The following TOGARAM2 variants were observed in gnomAD, a reference collection of about 807,000 sequenced individuals.
TOGARAM2 encodes the protein TOG array regulator of axonemal microtubules 2.
Under a neutral mutation model 93.3 loss-of-function variants are expected in TOGARAM2, and 85 were observed. The observed-to-expected ratio is 0.91, with a 90% confidence interval of 0.76 to 1.09. The LOEUF is 1.09. Ranked by LOEUF, TOGARAM2 falls within the 50% of genes least tolerant of loss-of-function variation. The probability of loss-of-function intolerance (pLI) is 0.00; values close to 1 mark genes in which losing one functional copy is unlikely to be tolerated. For synonymous variants in TOGARAM2, 593 were observed against 552.8 expected (o/e 1.07, Z -1.02); for missense variants, 1,277 against 1,334.5 (o/e 0.96, Z 0.67).
rs758380701 is a variant in TOGARAM2, at chr2:29,002,516, C to T, written c.428-20C>T. 1.6e-4 allele frequency: 260 copies of T among 1,604,090 alleles called. No individual in the cohort carries two copies. The highest frequency in any genetic ancestry group is 2.1e-4 in the Non-Finnish European group (248 of 1,173,862). The stretch of plus-strand genomic sequence containing the variant: ...TGTTCTTCTGGGACTAACTGATTTC[C>T]CATCCCCATCCCTGTACAGCCTCTC... On this transcript the variant is annotated intron_variant, in intron 4 of 19. Coordinates refer to ENST00000379558, the MANE Select transcript of TOGARAM2 (RefSeq NM_199280.4).
chr2:29,014,323 C>G, intron 7 of TOGARAM2, 72 bp from the exon 8 acceptor site: 30 of 1,526,132 alleles, frequency 2.0e-5, no homozygotes, highest in Non-Finnish European at 2.6e-5. Flanking sequence ...TAGAATTGAG[C>G]CAGCCACAGG....
At chr2:28,980,234 G>C (rs912588304), upstream of TOGARAM2, among the ~76,000 whole-genome samples, 9 of 152,186 alleles carry the variant, frequency 5.9e-5, no homozygotes, top group Non-Finnish European at 1.3e-4. Context: ...GGCCCTCCTT[G>C]CTCCCTCCTG....
At chr2:29,005,513 AACT>A in intron 6 of TOGARAM2, among the ~76,000 whole-genome samples, 1 of 89,618 alleles carries the variant, frequency 1.1e-5, no homozygotes, top group African/African-American at 4.3e-5. Flanking sequence ...GTGTTTGTGT[AACT>A]ACGTGTGTGA....
chr2:29,024,366 G>T lies in TOGARAM2; in HGVS notation c.1845G>T (p.Ala615=). Residue 615 remains alanine (A), a synonymous_variant, in exon 13 of 20, where the codon GCG becomes GCT. Transcript: ENST00000379558. The part of the protein sequence containing the change: ...LARSLVVLTS[A]GVYHRNPLIR... Reference sequence around the variant, plus strand: ...GCTCCCTGGTGGTCCTCACCTCGGCGGGTGTCTAGTATGTGGCTGCCTGTT... The same window carrying T: ...GCTCCCTGGTGGTCCTCACCTCGGCTGGTGTCTAGTATGTGGCTGCCTGTT... 6.2e-7 allele frequency: 1 copy of T among 1,604,204 alleles called. No individual in the cohort carries two copies. Among genetic ancestry groups the T allele is most frequent in the African/African-American group, 1.3e-5 (1 of 74,896 alleles).
chr2:28,959,697 C>T (rs1033800905), intron 1 of TOGARAM2, among the ~76,000 whole-genome samples: 1 of 151,958 alleles, frequency 6.6e-6, no homozygotes, highest in African/African-American at 2.4e-5. Context: ...GAGCTGAGAT[C>T]GTGCCACTGC....
chr2:28,960,433 T>G (rs58402186), intron 1 of TOGARAM2, among the ~76,000 whole-genome samples: 73,299 of 151,926 alleles, frequency 0.48, 18,854 homozygotes, highest in Middle Eastern at 0.6. Context: ...CAGGCTGGAG[T>G]GTAGCAGCAG....
intron 2 of TOGARAM2, among the ~76,000 whole-genome samples, 184 bp downstream of exon 2, chr2:28,995,046 T>G (rs1282348049): frequency 6.6e-6 from 1 of 152,270 alleles, no homozygotes; most frequent in Non-Finnish European, 1.5e-5. Flanking sequence ...GCTGGCTGTC[T>G]GGGTGGCTCC....
chr2:28,986,974 T>A (rs1383306923), intron 1 of TOGARAM2, among the ~76,000 whole-genome samples: 2 of 152,204 alleles, frequency 1.3e-5, no homozygotes. Flanking sequence ...TAGCAGGTGA[T>A]GGAATTTAAC....
At chr2:29,049,031 T>TA (rs796876193) in intron 19 of TOGARAM2, 3 of 53,532 alleles carry the variant, frequency 5.6e-5, no homozygotes, top group African/African-American at 1.8e-4. Flanking sequence ...AATTTTTGTA[T>TA]TTTTTTTTTT....
rs776369747 is a variant in TOGARAM2 at position 29,035,616 on chromosome 2, G to T, written c.2378G>T (p.Cys793Phe). Residue 793 changes from cysteine to phenylalanine, a missense_variant, in exon 17 of 20, where the codon TGC becomes TTC. Transcript: ENST00000379558. Reference protein sequence around the residue: ...MEGVGQLLELCKAKTELVTAH... With the variant: ...MEGVGQLLELFKAKTELVTAH... ...GGCGTGGGGCAGCTCCTGGAGCTCTGCAAGGCCAAGACGGAGCTTGTCACT... is the reference window on the plus strand; with the variant it reads ...GGCGTGGGGCAGCTCCTGGAGCTCTTCAAGGCCAAGACGGAGCTTGTCACT... 3 of 1,565,076 alleles carry T rather than the reference G, an allele frequency of 1.9e-6. No homozygotes were observed. The South Asian group carries it at 3.7e-5, about 19-fold the overall frequency.
chr2:29,004,034 C>T (rs541295935), intron 6 of TOGARAM2, among the ~76,000 whole-genome samples: 30 of 152,332 alleles, frequency 2.0e-4, no homozygotes, highest in African/African-American at 6.0e-4. Context: ...CTCACTCTGT[C>T]GCCCAGGCTG....
rs117264834 is a variant in TOGARAM2, at chr2:29,032,348, C to T, written c.2013-586C>T. Among the ~76,000 whole-genome samples the T allele has an allele frequency of 3.9e-4, 60 of 152,316 alleles. No homozygotes were observed. The East Asian group carries it at 0.01, about 25-fold the overall frequency. On this transcript the variant is annotated intron_variant, in intron 14 of 19. Transcript: ENST00000379558. ...CCTGTTCCTCCGACGTATCCCAAAT[C>T]CCACCCAACTTGTGAACTCCTACTT...
intron 1 of TOGARAM2, among the ~76,000 whole-genome samples, chr2:28,974,473 C>T (rs1442188121): frequency 6.6e-6 from 1 of 152,072 alleles, no homozygotes; most frequent in Non-Finnish European, 1.5e-5. Context: ...GTATCTTTTA[C>T]CATATTTGGA....
chr2:29,022,042 T>G, intron 10 of TOGARAM2, 116 bp from the exon 11 acceptor site: 3 of 1,345,500 alleles, frequency 2.2e-6, no homozygotes, highest in Non-Finnish European at 3.1e-6. Flanking sequence ...CCCTCCCTGT[T>G]AGGTGGGCTC....
chr2:29,015,756 TA>T (rs1664528801), intron 8 of TOGARAM2, among the ~76,000 whole-genome samples: 1 of 152,278 alleles, frequency 6.6e-6, no homozygotes, highest in South Asian at 2.1e-4. Context: ...CAGCCAGGGA[TA>T]GGGGTGAGGG....
At chr2:29,011,627 A>C in intron 7 of TOGARAM2, 126 bp downstream of exon 7, 1 of 976,286 alleles carries the variant, frequency 1.0e-6, no homozygotes, top group East Asian at 3.0e-5. Flanking sequence ...TTCATTTCAC[A>C]GCAGGAAGCT....
chr2:29,040,232 A>G (rs1666349668), intron 18 of TOGARAM2, among the ~76,000 whole-genome samples: 1 of 152,192 alleles, frequency 6.6e-6, no homozygotes, highest in African/African-American at 2.4e-5. Flanking sequence ...TCTTTCATTT[A>G]ACACTACCCA....
At chr2:29,048,772 A>C (rs1367455365) in intron 19 of TOGARAM2, 2 of 141,630 alleles carry the variant, frequency 1.4e-5, no homozygotes, top group Non-Finnish European at 3.0e-5. Context: ...TCTGTCTCCT[A>C]GGGTCAAGCC....
chr2:28,963,588 G>A (rs1284928374), intron 1 of TOGARAM2, among the ~76,000 whole-genome samples: 1 of 152,130 alleles, frequency 6.6e-6, no homozygotes, highest in African/African-American at 2.4e-5. Flanking sequence ...ATTTGCCCAG[G>A]CTGGTCTTGA....
Sources: allele counts gnomAD v4.1 joint callset (sites outside exome capture counted in the v4.1 genomes callset), GRCh38; gene constraint gnomAD v4.1.1; transcripts MANE v1.5; gene names NCBI Gene and HGNC (gene_info 2026-07-23, HGNC 2026-07-21).